Variants in AFAP1 observed in about 807,000 individuals in gnomAD.
AFAP1 encodes the protein actin filament-associated protein 1.
In AFAP1, 75 loss-of-function variants were observed where a neutral mutation model predicts 93.9. The observed-to-expected ratio is 0.80, with a 90% CI of 0.66 to 0.97. The LOEUF (loss-of-function observed/expected upper bound fraction) is 0.97. Ranked by LOEUF, AFAP1 falls within the 50% of genes least tolerant of loss-of-function variation. The pLI is 0.00. For missense variants in AFAP1, 1,201 were observed against 1,050.8 expected (o/e 1.14, Z -1.98); for synonymous variants, 517 against 430.7 (o/e 1.20, Z -2.48).
chr4:7,914,813 A>G (rs6857814), intron 1 of AFAP1, among the ~76,000 whole-genome samples: 87,253 of 151,928 alleles, frequency 0.57, 28,327 homozygotes, highest in African/African-American at 0.86. Flanking sequence ...GCGCGATCTC[A>G]GCTCGCTCAC....
At chr4:7,917,817 T>C (rs186562962) in intron 1 of AFAP1, among the ~76,000 whole-genome samples, 2 of 152,208 alleles carry the variant, frequency 1.3e-5, no homozygotes, top group African/African-American at 2.4e-5. Context: ...GCTTTCCTCC[T>C]GCGTCTTTCA....
intron 3 of AFAP1, among the ~76,000 whole-genome samples, chr4:7,867,224 G>A (rs1313522131): frequency 1.3e-5 from 2 of 152,146 alleles, no homozygotes; most frequent in African/African-American, 4.8e-5. Flanking sequence ...AGATGGCCGG[G>A]TGGTTGGCTG....
chr4:7,918,541 A>G lies in AFAP1; in HGVS notation c.-3+21115T>C, dbSNP rs111354895. On this transcript the variant is annotated intron_variant, in intron 1 of 17. Transcript: ENST00000420658. ...AAGAGACACTCGGCCCAGGTCACCA[A>G]GAAACAGGGCTGCCAGATGAGACAC... Among the ~76,000 whole-genome samples the G allele has an allele frequency of 6.3e-3, 338 of 53,480 alleles. 1 individual carries two copies. Among genetic ancestry groups the G allele is most frequent in the Middle Eastern group, 0.015 (1 of 68 alleles). 35.1% of individuals were successfully genotyped at this position (53,480 alleles called of 152,430 possible). A position where few individuals can be genotyped will look rare whatever the true frequency, so the allele number is the denominator to read the frequency against.
At chr4:7,916,606 C>T (rs369816954) in intron 1 of AFAP1, among the ~76,000 whole-genome samples, 1 of 152,100 alleles carries the variant, frequency 6.6e-6, no homozygotes, top group Non-Finnish European at 1.5e-5. Context: ...CTCCCCTCCC[C>T]CTCCTGCAGG....
chr4:7,873,784 G>A (rs1230315827), intron 1 of AFAP1, among the ~76,000 whole-genome samples: 1 of 152,174 alleles, frequency 6.6e-6, no homozygotes, highest in African/African-American at 2.4e-5. Context: ...GAAGCCACTT[G>A]TTGCACACAG....
At chr4:7,926,505 C>G (rs1327731748) in intron 1 of AFAP1, among the ~76,000 whole-genome samples, 2 of 152,178 alleles carry the variant, frequency 1.3e-5, no homozygotes, top group Non-Finnish European at 2.9e-5. Flanking sequence ...TTAGAAGACG[C>G]ACTGCTCAGC....
chr4:7,832,361 G>A (rs1307305550), intron 6 of AFAP1, among the ~76,000 whole-genome samples: 3 of 152,016 alleles, frequency 2.0e-5, no homozygotes, highest in African/African-American at 4.8e-5. Flanking sequence ...TGTGTCCTGA[G>A]CAGCTGGCAG....
intron 8 of AFAP1, among the ~76,000 whole-genome samples, chr4:7,813,654 T>C (rs1411642525): frequency 1.3e-5 from 2 of 152,232 alleles, no homozygotes; most frequent in Non-Finnish European, 2.9e-5. Context: ...TTCCTGGTTT[T>C]GATTACACAT....
At position 7,759,107 on chromosome 4, in the gene AFAP1, A is replaced by G. The variant is rs1021529542; in HGVS notation, c.*4658T>C. 1 of 152,682 alleles carries G rather than the reference A, an allele frequency of 6.5e-6. No individual in the cohort carries two copies. Among genetic ancestry groups the G allele is most frequent in the African/African-American group, 2.4e-5 (1 of 41,464 alleles). 9.5% of individuals were successfully genotyped at this position (152,682 alleles called of 1,614,324 possible). On this transcript the variant is annotated 3_prime_UTR_variant, in exon 18 of 18. Coordinates refer to ENST00000420658, the MANE Select transcript of AFAP1 (RefSeq NM_001134647.2). ...TGAAAACATTTTACAACGTATCACC[A>G]TGGTCAATTAATTCTGAATATCACT...
chr4:7,768,697 A>T, intron 17 of AFAP1, 147 bp downstream of exon 17: 1 of 1,018,452 alleles, frequency 9.8e-7, no homozygotes, highest in Non-Finnish European at 1.3e-6. Flanking sequence ...GAACTCGATA[A>T]GCACCCATTC....
intron 6 of AFAP1, among the ~76,000 whole-genome samples, chr4:7,822,410 A>AT (rs1721042771): frequency 6.6e-6 from 1 of 152,122 alleles, no homozygotes; most frequent in Admixed American, 6.5e-5. Context: ...CCCCACGATT[A>AT]TATTTAATAG....
rs557453748 is a variant in AFAP1 at position 7,894,750 on chromosome 4, C to T, written c.-2-22670G>A. 5.0e-4 allele frequency among the ~76,000 whole-genome samples: 76 copies of T among 152,278 alleles called. 1 individual carries two copies. Among genetic ancestry groups the T allele is most frequent in the Middle Eastern group, 6.8e-3 (2 of 294 alleles). Reference sequence around the variant, plus strand: ...AGGTAGGTCTGAAATGAGGCTCTTGCGTTATCTGGCTGCCGTCATCTCTGG... The same window carrying T: ...AGGTAGGTCTGAAATGAGGCTCTTGTGTTATCTGGCTGCCGTCATCTCTGG... On this transcript the variant is annotated intron_variant, in intron 1 of 17. Coordinates refer to ENST00000420658, the MANE Select transcript of AFAP1 (RefSeq NM_001134647.2).
intron 3 of AFAP1, among the ~76,000 whole-genome samples, chr4:7,864,928 T>C (rs763851141): frequency 3.9e-5 from 6 of 152,034 alleles, no homozygotes; most frequent in African/African-American, 1.2e-4. Flanking sequence ...CAGTGAGCTA[T>C]GATCGTGCCA....
chr4:7,786,737 T>C (rs1717300939), intron 11 of AFAP1, among the ~76,000 whole-genome samples: 1 of 152,262 alleles, frequency 6.6e-6, no homozygotes, highest in African/African-American at 2.4e-5. Context: ...CTCTCACAGC[T>C]TGTGTTCATA....
At chr4:7,776,602 G>C (rs529639556) in intron 14 of AFAP1, 1 of 152,072 alleles carries the variant, frequency 6.6e-6, no homozygotes, top group East Asian at 1.9e-4. Context: ...TTCTTGCAAC[G>C]TAAGTTATCA....
At chr4:7,805,647 C>A (rs943042125) in intron 9 of AFAP1, among the ~76,000 whole-genome samples, 1 of 152,118 alleles carries the variant, frequency 6.6e-6, no homozygotes, top group Non-Finnish European at 1.5e-5. Context: ...GCCTGACATC[C>A]AGAGGTGAAG....
At chr4:7,830,413 G>A (rs560611718) in intron 6 of AFAP1, among the ~76,000 whole-genome samples, 63 of 152,228 alleles carry the variant, frequency 4.1e-4, no homozygotes, top group African/African-American at 1.3e-3. Flanking sequence ...AAGACCTCAC[G>A]GCACCTCGGC....
intron 1 of AFAP1, among the ~76,000 whole-genome samples, chr4:7,902,164 A>C (rs1431170186): frequency 1.3e-5 from 2 of 152,202 alleles, no homozygotes; most frequent in Non-Finnish European, 2.9e-5. Flanking sequence ...GCTCAGGATG[A>C]AAAAGAACCC....
At chr4:7,860,033 C>G (rs1715493692) in intron 3 of AFAP1, among the ~76,000 whole-genome samples, 3 of 152,020 alleles carry the variant, frequency 2.0e-5, no homozygotes, top group Admixed American at 2.0e-4. Context: ...GTCCCAACTG[C>G]TAGGGAGGCT....
Sources: gnomAD v4.1 joint callset for allele counts (sites outside exome capture counted in the v4.1 genomes callset) on GRCh38, gnomAD v4.1.1 for gene constraint, MANE v1.5 for transcripts, NCBI Gene and HGNC (gene_info 2026-07-23, HGNC 2026-07-21) for gene names.